ANGPTL2: variants seen among roughly 807,000 people sequenced by gnomAD.
ANGPTL2 encodes the protein angiopoietin like 2, also known as angiopoietin-related protein 2.
ANGPTL2 carries 25 observed loss-of-function variants against 52.8 expected under a neutral mutation model. The observed-to-expected ratio is 0.47, with a 90% confidence interval of 0.35 to 0.66. ANGPTL2 has a LOEUF of 0.66. Among genes scored for constraint, ANGPTL2 ranks in the 30% least tolerant of loss-of-function variants. The pLI, the probability that ANGPTL2 is intolerant of heterozygous loss-of-function variation, is 0.01. For missense variants in ANGPTL2, 546 were observed against 656.9 expected (o/e 0.83, Z 1.84); for synonymous variants, 276 against 277.4 (o/e 1.00, Z 0.05).
rs1589421846 is a variant in ANGPTL2, at chr9:127,092,027, G to C, written c.1012-87C>G. 62 of 1,513,226 alleles carry C rather than the reference G, an allele frequency of 4.1e-5. No homozygotes were observed. In the South Asian group the frequency reaches 7.7e-4, roughly 19 times the overall value. 93.7% of individuals were successfully genotyped at this position (1,513,226 alleles called of 1,614,324 possible). ...GCTGTCAGACACTCAGCCCTGGATA[G>C]AGGGGCCTGGGAAACAAGCAGAGCA... is the stretch of plus-strand genomic sequence containing the variant. On this transcript the variant is annotated intron_variant, in intron 3 of 4. Transcript: ENST00000373425.
rs2052011252 is a variant in ANGPTL2 at position 127,088,258 on chromosome 9, G to A, written c.*681C>T. ...GGAAAAGTATGAAAATGTGGGGGGAGGGATTTTGAAATTTGATTAGGTGCC... is the reference window on the plus strand; with the variant it reads ...GGAAAAGTATGAAAATGTGGGGGGAAGGATTTTGAAATTTGATTAGGTGCC... On this transcript the variant is annotated 3_prime_UTR_variant, in exon 5 of 5. Transcript: ENST00000373425. The A allele has an allele frequency of 6.6e-6, 1 of 152,188 alleles. No homozygotes were observed. The highest frequency in any genetic ancestry group is 2.4e-5 in the African/African-American group (1 of 41,430). The allele number at this position is 152,188 out of a possible 1,614,324, so 9.4% of individuals were successfully genotyped here. A position where few individuals can be genotyped will look rare whatever the true frequency, so the allele number is the denominator to read the frequency against.
At chr9:127,095,268 C>T (rs776923216) in intron 2 of ANGPTL2, among the ~76,000 whole-genome samples, 5 of 152,030 alleles carry the variant, frequency 3.3e-5, no homozygotes, top group Non-Finnish European at 5.9e-5. Context: ...TGTGGTGGCA[C>T]GCACCTGTGA....
Position 127,091,390 on chromosome 9 carries a change from C to G in ANGPTL2, c.1282+280G>C, listed in dbSNP as rs1237866730. Among the ~76,000 whole-genome samples the G allele has an allele frequency of 6.6e-6, 1 of 152,236 alleles. No homozygotes were observed. Among genetic ancestry groups the G allele is most frequent in the Non-Finnish European group, 1.5e-5 (1 of 68,044 alleles). On this transcript the variant is annotated intron_variant, in intron 4 of 4. Transcript: ENST00000373425. The surrounding 1 kb of genome is among the most constrained non-coding windows in gnomAD (Gnocchi z 4.3). Reference sequence around the variant, plus strand: ...CAACACATGTCTTTCTGCATTGGCCCCAGCTGGCCCTGGTACGTGTGATTT... The same window carrying G: ...CAACACATGTCTTTCTGCATTGGCCGCAGCTGGCCCTGGTACGTGTGATTT...
chr9:127,118,984 C>T (rs951513831), intron 1 of ANGPTL2, among the ~76,000 whole-genome samples: 41 of 152,180 alleles, frequency 2.7e-4, no homozygotes, highest in African/African-American at 9.9e-4. Context: ...CTAAAGGAGC[C>T]TCCAAGTACG....
chr9:127,108,848 T>G, intron 1 of ANGPTL2, 68 bp from the exon 2 acceptor site: 1 of 1,147,722 alleles, frequency 8.7e-7, no homozygotes, highest in Non-Finnish European at 1.2e-6. Context: ...CCATCAGTGA[T>G]CCCAGCCTTC....
Position 127,107,909 on chromosome 9 carries a change from A to T in ANGPTL2, c.817+6T>A, listed in dbSNP as rs1215375991. The T allele has an allele frequency of 3.9e-6, 6 of 1,526,178 alleles. No individual in the cohort carries two copies. In the Admixed American group the frequency reaches 1.0e-4, roughly 26 times the overall value. 94.5% of individuals were successfully genotyped at this position (1,526,178 alleles called of 1,614,324 possible). A position where few individuals can be genotyped will look rare whatever the true frequency, so the allele number is the denominator to read the frequency against. On this transcript the variant is annotated splice_donor_region_variant and intron_variant, in intron 2 of 4. Coordinates refer to ENST00000373425, the MANE Select transcript of ANGPTL2 (RefSeq NM_012098.3). Reference sequence around the variant, plus strand: ...CCACATGTAACACGATCCCAGAAGCACTTACCCGACGGCTTGTCGGTGGAA... The same window carrying T: ...CCACATGTAACACGATCCCAGAAGCTCTTACCCGACGGCTTGTCGGTGGAA...
At chr9:127,107,511 T>C (rs1185722210) in intron 2 of ANGPTL2, among the ~76,000 whole-genome samples, 2 of 152,170 alleles carry the variant, frequency 1.3e-5, no homozygotes, top group African/African-American at 4.8e-5. Context: ...TGGCCCATTG[T>C]TTATTTGGTG....
chr9:127,088,844 G>T lies in ANGPTL2; in HGVS notation c.*95C>A. ...AGCATCCCGGTCCTCCCAGCCTCAG[G>T]ATGAACTGGTGAGGAGTTGTTCTTT... On this transcript the variant is annotated 3_prime_UTR_variant, in exon 5 of 5. Coordinates refer to ENST00000373425, the MANE Select transcript of ANGPTL2 (RefSeq NM_012098.3). 2 of 1,423,308 alleles carry T rather than the reference G, an allele frequency of 1.4e-6. No individual in the cohort carries two copies. The highest frequency in any genetic ancestry group is 2.0e-6 in the Non-Finnish European group (2 of 1,017,350). 88.2% of individuals were successfully genotyped at this position (1,423,308 alleles called of 1,614,324 possible).
At chr9:127,090,023 C>T (rs1368231479) in intron 4 of ANGPTL2, among the ~76,000 whole-genome samples, 8 of 152,172 alleles carry the variant, frequency 5.3e-5, no homozygotes, top group African/African-American at 1.9e-4. Flanking sequence ...GGAGGTCGCA[C>T]TCAGTCTGAG....
At position 127,107,818 on chromosome 9, in the gene ANGPTL2, A is replaced by G. The variant is rs2054366933; in HGVS notation, c.817+97T>C. ...TTGTGCATGTCTTTGGCCTGGCTTC[A>G]ACTGGCCATGGCTTTTCCCCATTTG... On this transcript the variant is annotated intron_variant, in intron 2 of 4. Transcript: ENST00000373425. 9 of 1,309,620 alleles carry G rather than the reference A, an allele frequency of 6.9e-6. No individual in the cohort carries two copies. In the East Asian group the frequency reaches 2.1e-4, roughly 31 times the overall value. 81.1% of individuals were successfully genotyped at this position (1,309,620 alleles called of 1,614,324 possible).
Position 127,108,144 on chromosome 9 carries a change from G to T in ANGPTL2, c.588C>A (p.Ile196=). ...LATLAHNQSE[I]IAQLEEHCQR... Reference sequence around the variant, plus strand: ...GGCAGTGCTCCTCAAGCTGCGCGATGATCTCTGATTGGTTGTGGGCCAGTG... The same window carrying T: ...GGCAGTGCTCCTCAAGCTGCGCGATTATCTCTGATTGGTTGTGGGCCAGTG... Residue 196 remains isoleucine, a synonymous_variant, in exon 2 of 5, where the codon ATC becomes ATA. Transcript: ENST00000373425. 6.2e-7 allele frequency: 1 copy of T among 1,614,096 alleles called. No individual in the cohort carries two copies. The highest frequency in any genetic ancestry group is 1.1e-5 in the South Asian group (1 of 91,078).
chr9:127,110,620 C>A (rs972445134), intron 1 of ANGPTL2, among the ~76,000 whole-genome samples: 2 of 152,186 alleles, frequency 1.3e-5, no homozygotes, highest in Non-Finnish European at 2.9e-5. Flanking sequence ...CTCAACTCAT[C>A]CAGAAATGAA....
chr9:127,090,637 G>A (rs2052355509), intron 4 of ANGPTL2, among the ~76,000 whole-genome samples: 1 of 152,256 alleles, frequency 6.6e-6, no homozygotes, highest in Non-Finnish European at 1.5e-5. Flanking sequence ...CAGGCCATTT[G>A]TAGGACAGTC....
chr9:127,091,803 A>T lies in ANGPTL2; in HGVS notation c.1149T>A (p.Ser383Arg). 1 of 1,614,136 alleles carries T rather than the reference A, an allele frequency of 6.2e-7. No individual in the cohort carries two copies. Among genetic ancestry groups the T allele is most frequent in the Non-Finnish European group, 8.5e-7 (1 of 1,180,020 alleles). Residue 383 changes from serine (S) to arginine (R), a missense_variant, in exon 4 of 5, where the codon AGT becomes AGA. Transcript: ENST00000373425. The surrounding 1 kb of genome is among the most constrained non-coding windows in gnomAD (Gnocchi z 4.3). ...ACTCGCTCTCAGGTTCCAGGCGGAA[A>T]CTGGCGTATTCTGCAAAGACTTTGC... ...SGRKVFAEYA[S>R]FRLEPESEYY...
chr9:127,108,459 C>T lies in ANGPTL2; in HGVS notation c.273G>A (p.Leu91=). The T allele has an allele frequency of 6.2e-7, 1 of 1,611,686 alleles. No individual in the cohort carries two copies. The highest frequency in any genetic ancestry group is 1.7e-4 in the Middle Eastern group (1 of 6,056). Residue 91 remains leucine, a synonymous_variant, in exon 2 of 5, where the codon CTG becomes CTA. Coordinates refer to ENST00000373425, the MANE Select transcript of ANGPTL2 (RefSeq NM_012098.3). ...TCTGCTTGAGCAGCTCATTGTTGAG[C>T]AGCTCTAGCTCCTGCTTATGCACTC... ...ENRVHKQELE[L]LNNELLKQKR...
At position 127,088,790 on chromosome 9, in the gene ANGPTL2, C is replaced by A. The variant is rs529608523; in HGVS notation, c.*149G>T. The A allele has an allele frequency of 5.8e-6, 5 of 860,180 alleles. No individual in the cohort carries two copies. Among genetic ancestry groups the A allele is most frequent in the Non-Finnish European group, 9.2e-6 (5 of 542,894 alleles). 53.3% of individuals were successfully genotyped at this position (860,180 alleles called of 1,614,324 possible). On this transcript the variant is annotated 3_prime_UTR_variant, in exon 5 of 5. Transcript: ENST00000373425. ...ACCGTATCGATTCAGTTCCATCATC[C>A]GCTGCAGTGACTTCGGAAAACAGAA...
At chr9:127,095,622 C>T (rs2053045455) in intron 2 of ANGPTL2, among the ~76,000 whole-genome samples, 1 of 152,224 alleles carries the variant, frequency 6.6e-6, no homozygotes, top group Non-Finnish European at 1.5e-5. Flanking sequence ...TACCTCCTCC[C>T]CACTTGAATT....
chr9:127,120,025 C>T (rs1321415809), intron 1 of ANGPTL2, among the ~76,000 whole-genome samples: 2 of 152,214 alleles, frequency 1.3e-5, no homozygotes, highest in Admixed American at 1.3e-4. Context: ...GGGGCCACAG[C>T]ACAGAAGCTC....
At chr9:127,104,846 G>T (rs1338318367) in intron 2 of ANGPTL2, among the ~76,000 whole-genome samples, 3 of 152,220 alleles carry the variant, frequency 2.0e-5, no homozygotes, top group Admixed American at 2.0e-4. Context: ...GGTATTTCTG[G>T]CTAAGTGATG....
Sources: allele counts gnomAD v4.1 joint callset (sites outside exome capture counted in the v4.1 genomes callset), GRCh38; gene constraint gnomAD v4.1.1; non-coding constraint Gnocchi (gnomAD v3.1); transcripts MANE v1.5; gene names NCBI Gene and HGNC (gene_info 2026-07-23, HGNC 2026-07-21).